Variants in SPOPL observed in about 807,000 individuals in gnomAD.
The protein encoded by SPOPL is speckle type BTB/POZ protein like, also known as speckle-type POZ protein-like.
In SPOPL, 23 loss-of-function variants were observed where a neutral mutation model predicts 53.8. The ratio of observed to expected loss-of-function variants is 0.43; its 90% confidence interval spans 0.31 to 0.61. The LOEUF (loss-of-function observed/expected upper bound fraction) is 0.61. Ranked by LOEUF, SPOPL falls within the 20% of genes least tolerant of loss-of-function variation. The pLI is 0.12. For synonymous variants in SPOPL, 164 were observed against 149.7 expected (o/e 1.10, Z -0.70); for missense variants, 442 against 466.9 (o/e 0.95, Z 0.49).
At chr2:138,554,771 A>G (rs796440702) in intron 5 of SPOPL, among the ~76,000 whole-genome samples, 4 of 152,236 alleles carry the variant, frequency 2.6e-5, no homozygotes, top group African/African-American at 9.6e-5. Context: ...CTACAGACCC[A>G]TACCATTTCA....
At chr2:138,534,603 G>C (rs1018386366) in intron 1 of SPOPL, among the ~76,000 whole-genome samples, 1 of 151,962 alleles carries the variant, frequency 6.6e-6, no homozygotes, top group Non-Finnish European at 1.5e-5. Context: ...TTTAAATGAG[G>C]CAAAATTCAT....
At chr2:138,533,742 A>C (rs1684864575) in intron 1 of SPOPL, among the ~76,000 whole-genome samples, 1 of 152,112 alleles carries the variant, frequency 6.6e-6, no homozygotes, top group African/African-American at 2.4e-5. Context: ...GACCTCAGGC[A>C]GTATTTTGTT....
At chr2:138,520,841 CTG>C (rs1405180224) in intron 1 of SPOPL, among the ~76,000 whole-genome samples, 2 of 152,160 alleles carry the variant, frequency 1.3e-5, no homozygotes, top group Non-Finnish European at 2.9e-5. Flanking sequence ...CCTCTTATAA[CTG>C]TAGTTATAAA....
chr2:138,553,632 CTA>C (rs1685360038), intron 5 of SPOPL, among the ~76,000 whole-genome samples: 1 of 152,030 alleles, frequency 6.6e-6, no homozygotes, highest in Admixed American at 6.5e-5. Context: ...AGATTACAAA[CTA>C]ATTGTATGAC....
chr2:138,522,899 A>T (rs1311824296), intron 1 of SPOPL, among the ~76,000 whole-genome samples: 1 of 152,246 alleles, frequency 6.6e-6, no homozygotes, highest in Non-Finnish European at 1.5e-5. Flanking sequence ...CTCTCAAAAC[A>T]CGTAACTAGC....
intron 8 of SPOPL, among the ~76,000 whole-genome samples, chr2:138,563,973 A>G (rs1685605928): frequency 6.6e-6 from 1 of 152,216 alleles, no homozygotes; most frequent in Non-Finnish European, 1.5e-5. Context: ...GATTCTCAAA[A>G]TAATTATACT....
chr2:138,547,627 A>G (rs1685225252), intron 1 of SPOPL, among the ~76,000 whole-genome samples: 1 of 152,104 alleles, frequency 6.6e-6, no homozygotes, highest in African/African-American at 2.4e-5. Flanking sequence ...TTTAAAAATA[A>G]TTACTTATAT....
Position 138,551,032 on chromosome 2 carries a change from A to T in SPOPL, c.330A>T (p.Lys110Asn). 6.2e-7 allele frequency: 1 copy of T among 1,613,190 alleles called. No individual in the cohort carries two copies. The highest frequency in any genetic ancestry group is 8.5e-7 in the Non-Finnish European group (1 of 1,179,436). The change falls in exon 4 of 11, where the codon AAA becomes AAT. Residue 110 changes from lysine (K) to asparagine (N), a missense_variant. Coordinates refer to ENST00000280098, the MANE Select transcript of SPOPL (RefSeq NM_001001664.3). ...TCAAATTTTCCCTTCTGAATGCTAA[A>T]AGGGAAGAAACAAAAGCAATGGGTA... ...AKFKFSLLNAKREETKAMESQ... is the reference protein window; with the variant it reads ...AKFKFSLLNANREETKAMESQ...
chr2:138,554,593 C>T (rs980563880), intron 5 of SPOPL: 1 of 1,106,534 alleles, frequency 9.0e-7, no homozygotes, highest in Non-Finnish European at 1.2e-6. Context: ...TTGCAAGTTC[C>T]CTACAGTGGT....
chr2:138,555,132 GT>G (rs1685394888), intron 5 of SPOPL, among the ~76,000 whole-genome samples: 1 of 5,410 alleles, frequency 1.8e-4, no homozygotes, highest in Non-Finnish European at 5.8e-4. Context: ...GGGTAGGAGG[GT>G]GTGTGTGTGT....
chr2:138,564,657 A>C (rs1383649609), intron 8 of SPOPL, 51 bp from the exon 9 acceptor site: 2 of 1,601,090 alleles, frequency 1.2e-6, no homozygotes, highest in South Asian at 2.3e-5. Flanking sequence ...TCATGTATTC[A>C]GGAACTTAGT....
At chr2:138,519,508 T>A (rs1684511932) in intron 1 of SPOPL, among the ~76,000 whole-genome samples, 1 of 151,862 alleles carries the variant, frequency 6.6e-6, no homozygotes, top group Non-Finnish European at 1.5e-5. Flanking sequence ...TAGAAGTAAA[T>A]ACTTAACAGG....
rs200098965 is a variant in SPOPL at position 138,552,715 on chromosome 2, T to C, written c.480+34T>C. 1.3e-5 allele frequency: 21 copies of C among 1,596,454 alleles called. No individual in the cohort carries two copies. The Middle Eastern group carries it at 1.0e-3, about 77-fold the overall frequency. On this transcript the variant is annotated intron_variant, in intron 5 of 10. Transcript: ENST00000280098. ...ATCTTTTATTCTAAGAACCCCATGGTTTATTTAGTGATATGGCAAAAGTAT... is the reference window on the plus strand; with the variant it reads ...ATCTTTTATTCTAAGAACCCCATGGCTTATTTAGTGATATGGCAAAAGTAT...
At chr2:138,539,783 G>A (rs1330200841) in intron 1 of SPOPL, among the ~76,000 whole-genome samples, 1 of 152,164 alleles carries the variant, frequency 6.6e-6, no homozygotes. Context: ...TTTTGTCTTT[G>A]TTGCCATTGC....
chr2:138,505,289 TTGAAGGC>T (rs1217051186), intron 1 of SPOPL, among the ~76,000 whole-genome samples: 3 of 152,188 alleles, frequency 2.0e-5, no homozygotes, highest in Admixed American at 2.0e-4. Flanking sequence ...TGATTAAATA[TTGAAGGC>T]ATTTACATTT....
Position 138,569,076 on chromosome 2 carries a change from C to T in SPOPL, c.1175C>T (p.Ser392Phe), listed in dbSNP as rs1573914811. The T allele has an allele frequency of 6.2e-7, 1 of 1,612,510 alleles. No homozygotes were observed. The stretch of plus-strand genomic sequence containing the variant: ...ATTCCACGCAAACGGCTAAAACAGT[C>T]CTGAAATCTTCCATGAACAGTTGAA... ...FGIPRKRLKQ[S>F] is the part of the protein sequence containing the mutation. Residue 392 changes from serine (S) to phenylalanine (F), a missense_variant, in exon 11 of 11, where the codon TCC becomes TTC. Coordinates refer to ENST00000280098, the MANE Select transcript of SPOPL (RefSeq NM_001001664.3).
At chr2:138,523,026 C>T (rs1025238758) in intron 1 of SPOPL, among the ~76,000 whole-genome samples, 3 of 152,150 alleles carry the variant, frequency 2.0e-5, no homozygotes, top group Non-Finnish European at 1.5e-5. Flanking sequence ...CAGCCATGCA[C>T]ATAAACTCTA....
At chr2:138,544,400 C>T (rs372384744) in intron 1 of SPOPL, among the ~76,000 whole-genome samples, 5 of 152,200 alleles carry the variant, frequency 3.3e-5, no homozygotes, top group South Asian at 2.1e-4. Flanking sequence ...GCTTCCAGGC[C>T]GCTTTGTTTA....
chr2:138,541,936 G>C (rs1558872658), intron 1 of SPOPL, among the ~76,000 whole-genome samples: 1 of 152,038 alleles, frequency 6.6e-6, no homozygotes, highest in East Asian at 1.9e-4. Context: ...GGTATGTTGT[G>C]TCTTTGTTCT....
Sources: allele counts gnomAD v4.1 joint callset (sites outside exome capture counted in the v4.1 genomes callset), GRCh38; gene constraint gnomAD v4.1.1; transcripts MANE v1.5; gene names NCBI Gene and HGNC (gene_info 2026-07-23, HGNC 2026-07-21).